Variants in CLIC6 observed in about 807,000 individuals in gnomAD.
CLIC6 encodes the protein CLIC family member 6, also known as chloride intracellular channel protein 6.
In CLIC6, 39 loss-of-function variants were observed where a neutral mutation model predicts 49.2. That is an observed-to-expected ratio of 0.79 (90% CI 0.61 to 1.04). The LOEUF is 1.04. CLIC6 is among the 50% of genes least tolerant of loss of function. The pLI, the probability that CLIC6 is intolerant of heterozygous loss-of-function variation, is 0.00. For missense variants in CLIC6, 988 were observed against 993.1 expected (o/e 0.99, Z 0.07); for synonymous variants, 446 against 433.4 (o/e 1.03, Z -0.36).
chr21:34,701,308 CAA>C (rs763844976), intron 1 of CLIC6, among the ~76,000 whole-genome samples: 655 of 49,498 alleles, frequency 0.013, 1 homozygote, highest in Non-Finnish European at 0.017. Flanking sequence ...GGCTCCGTCT[CAA>C]AAAAAAAAAA....
chr21:34,705,237 T>C (rs2056006198), intron 1 of CLIC6, among the ~76,000 whole-genome samples: 1 of 152,156 alleles, frequency 6.6e-6, no homozygotes, highest in African/African-American at 2.4e-5. Context: ...TGCTCAAACC[T>C]GCAGTAGTTA....
intron 1 of CLIC6, among the ~76,000 whole-genome samples, chr21:34,672,245 C>A (rs927082346): frequency 6.6e-6 from 1 of 152,188 alleles, no homozygotes; most frequent in Non-Finnish European, 1.5e-5. Context: ...TGCAGAATTT[C>A]AGGTAAATCC....
chr21:34,693,940 A>G (rs529921099), intron 1 of CLIC6, among the ~76,000 whole-genome samples: 6 of 149,342 alleles, frequency 4.0e-5, no homozygotes, highest in African/African-American at 1.5e-4. Context: ...AGTTCTTATG[A>G]GATCTGTTGT....
Position 34,669,968 on chromosome 21 carries a change from G to A in CLIC6, c.580G>A (p.Gly194Ser). 7.2e-7 allele frequency: 1 copy of A among 1,380,940 alleles called. No individual in the cohort carries two copies. The highest frequency in any genetic ancestry group is 3.0e-5 in the East Asian group (1 of 33,486). 85.5% of individuals were successfully genotyped at this position (1,380,940 alleles called of 1,614,324 possible). ...GRVGDSVDAE[G>S]PAGDSVDAEG... ...GGTGGGGGACAGCGTAGACGCGGAA[G>A]GTCCGGCGGGGGACAGCGTAGACGC... The change falls in exon 1 of 6, where the codon GGT becomes AGT. Residue 194 changes from glycine to serine, a missense_variant. Physicochemically the swap from Gly to Ser is moderately conservative, Grantham distance 56. Coordinates refer to ENST00000349499, the MANE Select transcript of CLIC6 (RefSeq NM_053277.3).
chr21:34,710,466 C>T (rs1037540675), intron 5 of CLIC6, among the ~76,000 whole-genome samples: 10 of 152,168 alleles, frequency 6.6e-5, no homozygotes, highest in African/African-American at 9.7e-5. Context: ...CTGCCAGACC[C>T]GTGGTTCTCC....
intron 5 of CLIC6, among the ~76,000 whole-genome samples, chr21:34,714,500 C>T (rs541789939): frequency 6.6e-6 from 1 of 151,914 alleles, no homozygotes; most frequent in African/African-American, 2.4e-5. Flanking sequence ...TCAGCCTGGG[C>T]AAAATGGTGA....
intron 1 of CLIC6, among the ~76,000 whole-genome samples, chr21:34,684,274 G>T (rs1231296070): frequency 6.6e-6 from 1 of 152,202 alleles, no homozygotes; most frequent in Non-Finnish European, 1.5e-5. Context: ...GATCCAGAAA[G>T]AAACAACTAC....
chr21:34,694,135 A>ATTTTTTT (rs57210806), intron 1 of CLIC6, among the ~76,000 whole-genome samples: 10 of 128,416 alleles, frequency 7.8e-5, no homozygotes, highest in African/African-American at 2.5e-4. Context: ...CGCCTGGTTA[A>ATTTTTTT]TTTTTTTTTT....
intron 1 of CLIC6, among the ~76,000 whole-genome samples, chr21:34,696,289 C>T (rs1443060675): frequency 2.0e-5 from 3 of 152,216 alleles, no homozygotes; most frequent in African/African-American, 7.2e-5. Flanking sequence ...CAGCCTCAAC[C>T]CAGCTCCATT....
intron 1 of CLIC6, among the ~76,000 whole-genome samples, chr21:34,678,777 CA>C (rs1275381040): frequency 6.6e-6 from 1 of 151,900 alleles, no homozygotes; most frequent in Non-Finnish European, 1.5e-5. Flanking sequence ...ATTTACTTAC[CA>C]TTTTTTTGGA....
intron 1 of CLIC6, among the ~76,000 whole-genome samples, chr21:34,673,676 A>T (rs1989611903): frequency 6.6e-6 from 1 of 152,228 alleles, no homozygotes; most frequent in Admixed American, 6.5e-5. Flanking sequence ...CCTACCAATT[A>T]TGCTCTTTGA....
In CLIC6 at chr21:34,716,862, T is replaced by TCTCTCTCTCACACACA; in HGVS notation, c.*381_*382insTCTCTCTCACACACAC. ...CTCTCTCTCTCTCTCTCTCTCTCTA[T>TCTCTCTCTCACACACA]CACACACACACACACACACACACAC... On this transcript the variant is annotated 3_prime_UTR_variant, in exon 6 of 6. Coordinates refer to ENST00000349499, the MANE Select transcript of CLIC6 (RefSeq NM_053277.3). The TCTCTCTCTCACACACA allele has an allele frequency of 3.0e-5, 4 of 131,634 alleles. No individual in the cohort carries two copies. The highest frequency in any genetic ancestry group is 6.4e-5 in the African/African-American group (2 of 31,214). 8.2% of individuals were successfully genotyped at this position (131,634 alleles called of 1,614,324 possible). A position where few individuals can be genotyped will look rare whatever the true frequency, so the allele number is the denominator to read the frequency against.
At position 34,669,125 on chromosome 21, in the gene CLIC6, T is replaced by A. The variant is rs1989467994; in HGVS notation, c.-264T>A. Among the ~76,000 whole-genome samples, 1 of 151,742 alleles carries A rather than the reference T, an allele frequency of 6.6e-6. No individual in the cohort carries two copies. The highest frequency in any genetic ancestry group is 2.4e-5 in the African/African-American group (1 of 41,286). Reference sequence around the variant, plus strand: ...GTCCCGGTGGGAAGCAGACGCGCAATCGGGGAGAAGCTCCAGCAGTGGAGG... The same window carrying A: ...GTCCCGGTGGGAAGCAGACGCGCAAACGGGGAGAAGCTCCAGCAGTGGAGG... On this transcript the variant is annotated 5_prime_UTR_variant, in exon 1 of 6. Coordinates refer to ENST00000349499, the MANE Select transcript of CLIC6 (RefSeq NM_053277.3).
At chr21:34,691,779 G>A (rs765507492) in intron 1 of CLIC6, among the ~76,000 whole-genome samples, 2 of 148,692 alleles carry the variant, frequency 1.3e-5, no homozygotes, top group Non-Finnish European at 3.1e-5. Flanking sequence ...TGCTTTTTTT[G>A]TTGAAATTGT....
chr21:34,716,058 G>C (rs944196833), intron 5 of CLIC6, among the ~76,000 whole-genome samples: 2 of 152,178 alleles, frequency 1.3e-5, no homozygotes, highest in Non-Finnish European at 2.9e-5. Flanking sequence ...TCGTGCCAGC[G>C]GATTCCAAGA....
At chr21:34,673,593 G>A (rs1039255101) in intron 1 of CLIC6, among the ~76,000 whole-genome samples, 3 of 152,170 alleles carry the variant, frequency 2.0e-5, no homozygotes, top group African/African-American at 7.2e-5. Context: ...ACCTGGCTGA[G>A]ATTTGTTAAC....
rs2275969 is a variant in CLIC6 at position 34,709,714 on chromosome 21, G to C, written c.1899+176G>C. On this transcript the variant is annotated intron_variant, in intron 5 of 5. Coordinates refer to ENST00000349499, the MANE Select transcript of CLIC6 (RefSeq NM_053277.3). Reference sequence around the variant, plus strand: ...CAGCTTTCACACACACAGAAGATGGGCTTCGGGTGTTCTCAGAAAGTGCCT... The same window carrying C: ...CAGCTTTCACACACACAGAAGATGGCCTTCGGGTGTTCTCAGAAAGTGCCT... Among the ~76,000 whole-genome samples the C allele has an allele frequency of 2.6e-5, 4 of 152,230 alleles. No homozygotes were observed. The East Asian group carries it at 7.7e-4, about 29-fold the overall frequency.
chr21:34,687,932 A>C (rs763605934), intron 1 of CLIC6, among the ~76,000 whole-genome samples: 3 of 152,234 alleles, frequency 2.0e-5, no homozygotes, highest in African/African-American at 7.2e-5. Context: ...GGAATCTGGC[A>C]ATAAATTTTA....
At chr21:34,701,308 CAAAAAAA>C (rs763844976) in intron 1 of CLIC6, among the ~76,000 whole-genome samples, 14 of 49,570 alleles carry the variant, frequency 2.8e-4, no homozygotes, top group Non-Finnish European at 3.8e-4. Flanking sequence ...GGCTCCGTCT[CAAAAAAA>C]AAAAAAAAAA....
Sources: allele counts gnomAD v4.1 joint callset (sites outside exome capture counted in the v4.1 genomes callset), GRCh38; gene constraint gnomAD v4.1.1; transcripts MANE v1.5; gene names NCBI Gene and HGNC (gene_info 2026-07-23, HGNC 2026-07-21).